RBFOX2: variants seen among roughly 807,000 people sequenced by gnomAD.
The protein encoded by RBFOX2 is RNA binding fox-1 homolog 2.
In RBFOX2, 10 loss-of-function variants were observed where a neutral mutation model predicts 49.1. The ratio of observed to expected loss-of-function variants is 0.20; its 90% CI spans 0.13 to 0.35. The LOEUF (loss-of-function observed/expected upper bound fraction) is 0.35. RBFOX2 is among the 10% of genes least tolerant of loss of function. The pLI, the probability that RBFOX2 is intolerant of heterozygous loss-of-function variation, is 1.00. For synonymous variants in RBFOX2, 183 were observed against 187.4 expected, an observed-to-expected ratio of 0.98 and a Z score of 0.19; for missense variants, 323 against 486.9, an observed-to-expected ratio of 0.66 and a Z score of 3.17.
chr22:35,970,453 A>G (rs2056805221), intron 1 of RBFOX2, among the ~76,000 whole-genome samples: 1 of 151,234 alleles, frequency 6.6e-6, no homozygotes, highest in Non-Finnish European at 1.5e-5. Flanking sequence ...GCTCAAGACC[A>G]GCCTGGGCAA....
At chr22:35,740,977 A>G (rs915935260) in exon 12 of RBFOX2, 3 of 152,260 alleles carry the variant, frequency 2.0e-5, no homozygotes, top group Admixed American at 6.5e-5. Context: ...AGCTCCCCTC[A>G]GACTAAAAGT....
intron 1 of RBFOX2, among the ~76,000 whole-genome samples, chr22:35,859,368 G>C (rs2042877102): frequency 6.6e-6 from 1 of 152,186 alleles, no homozygotes; most frequent in African/African-American, 2.4e-5. Context: ...CATACCTACA[G>C]AAAGGCAGGC....
intron 1 of RBFOX2, among the ~76,000 whole-genome samples, chr22:36,012,019 C>T (rs568333779): frequency 6.6e-6 from 1 of 152,178 alleles, no homozygotes; most frequent in South Asian, 2.1e-4. Context: ...TACTACCCAC[C>T]ATTATCAATC....
At chr22:36,024,160 T>C (rs888978383) in intron 1 of RBFOX2, among the ~76,000 whole-genome samples, 1 of 152,198 alleles carries the variant, frequency 6.6e-6, no homozygotes, top group Non-Finnish European at 1.5e-5. Context: ...TTTTTCTTAA[T>C]CCTTAACTAT....
intron 1 of RBFOX2, among the ~76,000 whole-genome samples, chr22:36,008,483 G>T (rs549683228): frequency 6.6e-6 from 1 of 152,246 alleles, no homozygotes; most frequent in Non-Finnish European, 1.5e-5. Flanking sequence ...ATGGATGAAT[G>T]GATTGATTCT....
intron 1 of RBFOX2, among the ~76,000 whole-genome samples, chr22:35,937,532 G>A (rs949437098): frequency 2.0e-5 from 3 of 152,108 alleles, no homozygotes; most frequent in Admixed American, 6.6e-5. Flanking sequence ...CTGCAAATAG[G>A]TGACTATTGA....
chr22:35,918,523 G>A (rs1312215472), intron 1 of RBFOX2, among the ~76,000 whole-genome samples: 4 of 152,152 alleles, frequency 2.6e-5, no homozygotes, highest in South Asian at 4.1e-4. Context: ...ATAAATGGGT[G>A]TCATCTTCAC....
At chr22:36,028,603 TG>T (rs1692008234) in exon 1 of RBFOX2, among the ~76,000 whole-genome samples, 2 of 148,968 alleles carry the variant, frequency 1.3e-5, no homozygotes, top group South Asian at 2.1e-4. Flanking sequence ...CGCCGCTCCT[TG>T]CCTGACCGCT....
chr22:35,928,934 C>T (rs2052019024), intron 1 of RBFOX2, among the ~76,000 whole-genome samples: 1 of 151,970 alleles, frequency 6.6e-6, no homozygotes, highest in African/African-American at 2.4e-5. Context: ...AACCAAGCCA[C>T]TTTGGAAAAC....
intron 1 of RBFOX2, among the ~76,000 whole-genome samples, chr22:35,930,012 T>C (rs995510078): frequency 2.7e-5 from 4 of 149,152 alleles, no homozygotes; most frequent in African/African-American, 1.0e-4. Context: ...GACATCTTAA[T>C]AGAACTTTTT....
At chr22:35,835,778 C>A (rs1569331562) in intron 1 of RBFOX2, among the ~76,000 whole-genome samples, 1 of 152,140 alleles carries the variant, frequency 6.6e-6, no homozygotes, top group Non-Finnish European at 1.5e-5. Flanking sequence ...TTCATCATAG[C>A]TTCATTTATG....
rs535756550 is a variant in RBFOX2, at chr22:35,742,640, T to C, written c.*1555A>G. 7 of 152,692 alleles carry C rather than the reference T, an allele frequency of 4.6e-5. No homozygotes were observed. In the South Asian group the frequency reaches 1.5e-3, roughly 32 times the overall value. 9.5% of individuals were successfully genotyped at this position (152,692 alleles called of 1,614,324 possible). ...GCTTTTCTATTTCCTAATGCCTTCA[T>C]TTGGGAAATGCTGTAGGACACTTGC... On this transcript the variant is annotated 3_prime_UTR_variant, in exon 12 of 12. Coordinates refer to ENST00000405409, the Ensembl canonical transcript of RBFOX2.
intron 1 of RBFOX2, among the ~76,000 whole-genome samples, chr22:35,832,371 T>C (rs1010338601): frequency 6.6e-6 from 1 of 151,888 alleles, no homozygotes; most frequent in Non-Finnish European, 1.5e-5. Context: ...AGACCCTGTC[T>C]CAAAAACAAC....
intron 1 of RBFOX2, among the ~76,000 whole-genome samples, chr22:35,853,280 T>TGAGCCTCTGTCTAAAAAAAAAAAAAAAA: frequency 7.0e-6 from 1 of 142,830 alleles, no homozygotes; most frequent in Non-Finnish European, 1.5e-5. Flanking sequence ...GGCAACAAAG[T>TGAGCCTCTGTCTAAAAAAAAAAAAAAAA]GAGCCTCTGT....
At chr22:35,855,725 C>T (rs2042435084) in intron 1 of RBFOX2, among the ~76,000 whole-genome samples, 2 of 151,696 alleles carry the variant, frequency 1.3e-5, no homozygotes, top group South Asian at 4.2e-4. Context: ...CATTTTTCAA[C>T]ATAAGTTTTA....
At chr22:35,898,052 G>C (rs1041796856) in intron 1 of RBFOX2, 1 of 728,484 alleles carries the variant, frequency 1.4e-6, no homozygotes, top group Non-Finnish European at 2.6e-6. Context: ...TCCACTACTC[G>C]TCAGATAGAA....
chr22:36,013,061 G>A (rs2058886107), intron 1 of RBFOX2, among the ~76,000 whole-genome samples: 1 of 152,120 alleles, frequency 6.6e-6, no homozygotes, highest in South Asian at 2.1e-4. Context: ...ACTGAGCCCG[G>A]ACTACTCAGT....
intron 2 of RBFOX2, among the ~76,000 whole-genome samples, chr22:35,805,313 A>G (rs796707456): frequency 4.1e-4 from 62 of 150,114 alleles, no homozygotes; most frequent in African/African-American, 1.4e-3. Context: ...AAAAAAAAAA[A>G]GTAAGACAAA....
At chr22:35,881,582 CA>C (rs1334437471) in intron 1 of RBFOX2, among the ~76,000 whole-genome samples, 398 of 111,062 alleles carry the variant, frequency 3.6e-3, no homozygotes, top group Non-Finnish European at 3.9e-3. Flanking sequence ...ACTCTGTCTC[CA>C]AAAAAAAAAA....
Sources: gnomAD v4.1 joint callset for allele counts (sites outside exome capture counted in the v4.1 genomes callset) on GRCh38, gnomAD v4.1.1 for gene constraint, MANE v1.5 for transcripts, NCBI Gene and HGNC (gene_info 2026-07-23, HGNC 2026-07-21) for gene names.